The following FCRL5 variants were observed in gnomAD, a reference collection of about 807,000 sequenced individuals.
FCRL5 encodes Fc receptor like 5, also known as Fc receptor-like protein 5.
Under a neutral mutation model 92.1 loss-of-function variants are expected in FCRL5, and 79 were observed. The ratio of observed to expected loss-of-function variants is 0.86; its 90% CI spans 0.72 to 1.03. The LOEUF (loss-of-function observed/expected upper bound fraction) is 1.03, where lower values mean the gene tolerates loss of function less well. Among genes scored for constraint, FCRL5 ranks in the 50% least tolerant of loss-of-function variants. FCRL5 has a pLI of 0.00. For missense variants in FCRL5, 1,160 were observed against 1,181.1 expected (o/e 0.98, Z 0.26); for synonymous variants, 466 against 469.3 (o/e 0.99, Z 0.09).
In FCRL5 at chr1:157,549,585, A is replaced by G. The variant is rs1383816769; in HGVS notation, c.32-5T>C. 1 of 1,610,070 alleles carries G rather than the reference A, an allele frequency of 6.2e-7. No individual in the cohort carries two copies. The highest frequency in any genetic ancestry group is 2.2e-5 in the East Asian group (1 of 44,714). ...CAAACTGTCCACTGACAGGAGCTGC[A>G]AAAAAATAAGAGCCAGAGATGAGCA... On this transcript the variant is annotated splice_polypyrimidine_tract_variant and splice_region_variant and intron_variant, in intron 1 of 16. Coordinates refer to ENST00000361835, the MANE Select transcript of FCRL5 (RefSeq NM_031281.3).
At chr1:157,530,606 C>T (rs557335115) in intron 8 of FCRL5, among the ~76,000 whole-genome samples, 128 of 152,280 alleles carry the variant, frequency 8.4e-4, no homozygotes, top group African/African-American at 2.8e-3. Flanking sequence ...GTGATCTGCC[C>T]GCCTCGGCCT....
intron 1 of FCRL5, among the ~76,000 whole-genome samples, chr1:157,550,427 T>C (rs1470894214): frequency 6.6e-6 from 1 of 152,184 alleles, no homozygotes; most frequent in Non-Finnish European, 1.5e-5. Context: ...TATACTCTTT[T>C]CATGAGATCA....
intron 7 of FCRL5, 45 bp from the exon 8 acceptor site, chr1:157,534,937 C>T (rs1291860087): frequency 2.0e-6 from 3 of 1,507,040 alleles, no homozygotes; most frequent in African/African-American, 1.4e-5. Flanking sequence ...TTGCCTCTTA[C>T]TGTAGATTTC....
At chr1:157,523,552 C>G (rs1318682657) in intron 10 of FCRL5, among the ~76,000 whole-genome samples, 1 of 152,230 alleles carries the variant, frequency 6.6e-6, no homozygotes, top group Non-Finnish European at 1.5e-5. Context: ...AACACCAGTT[C>G]TCTCTAAACA....
In FCRL5 at chr1:157,515,696, A is replaced by C. The variant is rs1269322295; in HGVS notation, c.2913T>G (p.Ala971=). The C allele has an allele frequency of 6.2e-7, 1 of 1,614,156 alleles. No homozygotes were observed. Among genetic ancestry groups the C allele is most frequent in the Admixed American group, 1.7e-5 (1 of 60,034 alleles). ...GGACTCATCTGTGAGGAGCTGAGGA[A>C]GCCAAGAACAGGGATCCGGAAACCG... ...STPVSGSLFL[A]SSAPHR Residue 971 remains alanine, a synonymous_variant, in exon 17 of 17, where the codon GCT becomes GCG. Transcript: ENST00000361835.
chr1:157,533,206 C>A (rs752590652), intron 8 of FCRL5: 1 of 152,180 alleles, frequency 6.6e-6, no homozygotes, highest in Admixed American at 6.5e-5. Flanking sequence ...TACTTCCCAA[C>A]AATTTCTACT....
At chr1:157,544,798 C>G (rs372124025) in intron 4 of FCRL5, 33 bp downstream of exon 4, 51 of 1,612,870 alleles carry the variant, frequency 3.2e-5, no homozygotes, top group Non-Finnish European at 4.2e-5. Context: ...CTCCTTTTGA[C>G]CAACTCACTT....
intron 12 of FCRL5, 44 bp from the exon 13 acceptor site, chr1:157,519,814 C>T (rs762687627): frequency 6.2e-7 from 1 of 1,604,688 alleles, no homozygotes; most frequent in Non-Finnish European, 8.5e-7. Context: ...GAAGATGAGA[C>T]CCTCAGTGGG....
intron 5 of FCRL5, among the ~76,000 whole-genome samples, chr1:157,543,846 T>C (rs1456166574): frequency 1.3e-5 from 2 of 152,220 alleles, no homozygotes; most frequent in Non-Finnish European, 2.9e-5. Context: ...TGTTGCAACC[T>C]GTCTTTGTAT....
At chr1:157,535,144 T>C (rs1158684050) in intron 7 of FCRL5, among the ~76,000 whole-genome samples, 1 of 152,124 alleles carries the variant, frequency 6.6e-6, no homozygotes, top group Non-Finnish European at 1.5e-5. Context: ...CTGCCTCCTT[T>C]TTGCAGAGGA....
chr1:157,540,661 T>C (rs1177841509), intron 6 of FCRL5, among the ~76,000 whole-genome samples: 2 of 152,212 alleles, frequency 1.3e-5, no homozygotes, highest in Non-Finnish European at 2.9e-5. Flanking sequence ...TACTTCTTTA[T>C]CTCATATCTC....
Position 157,520,556 on chromosome 1 carries a change from G to A in FCRL5, c.2516-9C>T. ...TCTGTTCGCGGTCAGCCCTGAGGGG[G>A]AGACCCTGTGTGTGAGCCAGAGGAG... On this transcript the variant is annotated splice_polypyrimidine_tract_variant and intron_variant, in intron 11 of 16. Coordinates refer to ENST00000361835, the MANE Select transcript of FCRL5 (RefSeq NM_031281.3). 1 of 1,577,040 alleles carries A rather than the reference G, an allele frequency of 6.3e-7. No individual in the cohort carries two copies. Among genetic ancestry groups the A allele is most frequent in the Non-Finnish European group, 8.6e-7 (1 of 1,159,446 alleles).
intron 8 of FCRL5, among the ~76,000 whole-genome samples, chr1:157,529,887 C>A (rs986590266): frequency 6.6e-6 from 1 of 152,158 alleles, no homozygotes; most frequent in African/African-American, 2.4e-5. Flanking sequence ...GCAACGAGTG[C>A]ACCAAAATCT....
chr1:157,544,967 G>A lies in FCRL5; in HGVS notation c.423C>T (p.Val141=). 3.1e-6 allele frequency: 5 copies of A among 1,614,190 alleles called. No individual in the cohort carries two copies. The highest frequency in any genetic ancestry group is 1.1e-5 in the South Asian group (1 of 91,086). Residue 141 remains valine (V), a synonymous_variant, in exon 4 of 17, where the codon GTC becomes GTT. Coordinates refer to ENST00000361835, the MANE Select transcript of FCRL5 (RefSeq NM_031281.3). ...LNNTIYKNDN[V]LAFLNKRTDF... is the part of the protein sequence containing the mutation. Reference sequence around the variant, plus strand: ...CAGTTCTTTTATTAAGGAATGCCAGGACATTATCATTCTTGTAAATAGTAT... The same window carrying A: ...CAGTTCTTTTATTAAGGAATGCCAGAACATTATCATTCTTGTAAATAGTAT...
Position 157,517,668 on chromosome 1 carries a change from C to T in FCRL5, c.2812+761G>A, listed in dbSNP as rs146503046. ...ACACCATGATTTTAGCCCAGTGAGA[C>T]CGGCGTCAGACTTCTGACCCACAGA... On this transcript the variant is annotated intron_variant, in intron 15 of 16. Coordinates refer to ENST00000361835, the MANE Select transcript of FCRL5 (RefSeq NM_031281.3). Among the ~76,000 whole-genome samples the T allele has an allele frequency of 3.1e-3, 472 of 152,248 alleles. 2 individuals carry two copies. Among genetic ancestry groups the T allele is most frequent in the Non-Finnish European group, 4.9e-3 (333 of 68,020 alleles).
chr1:157,544,563 C>T lies in FCRL5; in HGVS notation c.560-17G>A. 6.2e-7 allele frequency: 1 copy of T among 1,610,492 alleles called. No homozygotes were observed. On this transcript the variant is annotated splice_polypyrimidine_tract_variant and intron_variant, in intron 4 of 16. Transcript: ENST00000361835. ...TAAATGGCTCTAGAGAGAAGAATCA[C>T]AACAGTCCCAGAGCAATGAGGCTGG...
Position 157,515,272 on chromosome 1 carries a change from G to C in FCRL5, c.*403C>G. 1 of 285,088 alleles carries C rather than the reference G, an allele frequency of 3.5e-6. No individual in the cohort carries two copies. Among genetic ancestry groups the C allele is most frequent in the Admixed American group, 4.7e-5 (1 of 21,392 alleles). 17.7% of individuals were successfully genotyped at this position (285,088 alleles called of 1,614,324 possible). On this transcript the variant is annotated 3_prime_UTR_variant, in exon 17 of 17. Transcript: ENST00000361835. ...CACCCAAAGCAGGAACTCTGTGTCG[G>C]AGTTTAGGAGCACCTGAGCTGTTAG...
intron 7 of FCRL5, among the ~76,000 whole-genome samples, chr1:157,535,663 A>T (rs958971496): frequency 3.9e-5 from 6 of 152,222 alleles, no homozygotes; most frequent in African/African-American, 1.4e-4. Flanking sequence ...ATTTGTTATA[A>T]TGAGATTATA....
At chr1:157,543,657 G>A (rs1040489602) in intron 5 of FCRL5, among the ~76,000 whole-genome samples, 60 of 152,132 alleles carry the variant, frequency 3.9e-4, no homozygotes, top group African/African-American at 1.4e-3. Flanking sequence ...ATGAGTGGAG[G>A]GATGACACAG....
Sources: gnomAD v4.1 joint callset for allele counts (sites outside exome capture counted in the v4.1 genomes callset) on GRCh38, gnomAD v4.1.1 for gene constraint, MANE v1.5 for transcripts, NCBI Gene and HGNC (gene_info 2026-07-23, HGNC 2026-07-21) for gene names.